CDH17: variants seen among roughly 807,000 people sequenced by gnomAD.
CDH17 encodes cadherin 17, also known as cadherin-17.
A neutral mutation model predicts 86.3 loss-of-function variants in CDH17; 67 were observed. The observed-to-expected ratio is 0.78, with a 90% CI of 0.64 to 0.95. CDH17 has a LOEUF of 0.95. Among genes scored for constraint, CDH17 ranks in the 40% least tolerant of loss-of-function variants. CDH17 has a pLI of 0.00. For missense variants in CDH17, 993 were observed against 1,017.6 expected, an observed-to-expected ratio of 0.98 and a Z score of 0.33; for synonymous variants, 367 against 366.4, an observed-to-expected ratio of 1.00 and a Z score of -0.02.
chr8:94,130,619 C>T lies in CDH17; in HGVS notation c.2398+7G>A, dbSNP rs760145848. The stretch of plus-strand genomic sequence containing the variant: ...TAAGACTCTTTGAATTAAGAAATTA[C>T]ACTCACCAATCACCAGAAGGGTGGT... On this transcript the variant is annotated splice_region_variant and intron_variant, in intron 17 of 17. Coordinates refer to ENST00000027335, the MANE Select transcript of CDH17 (RefSeq NM_004063.4). 13 of 1,571,444 alleles carry T rather than the reference C, an allele frequency of 8.3e-6. No homozygotes were observed. In the Admixed American group the frequency reaches 1.9e-4, roughly 22 times the overall value.
Position 94,148,748 on chromosome 8 carries a change from T to C in CDH17, c.1923A>G (p.Glu641=). The change falls in exon 14 of 18, where the codon GAA becomes GAG. Residue 641 remains glutamate, a synonymous_variant. Coordinates refer to ENST00000027335, the MANE Select transcript of CDH17 (RefSeq NM_004063.4). ...TTTTTTTTTTTTTTTGCTTACCTACTTCTGTGGCCACCACTTGTACCCGAT... is the reference window on the plus strand; with the variant it reads ...TTTTTTTTTTTTTTTGCTTACCTACCTCTGTGGCCACCACTTGTACCCGAT... ...SPYRVQVVAT[E]VGGSSLSSVS... 7.1e-7 allele frequency: 1 copy of C among 1,413,812 alleles called. No individual in the cohort carries two copies. Among genetic ancestry groups the C allele is most frequent in the Non-Finnish European group, 9.5e-7 (1 of 1,050,780 alleles). The allele number at this position is 1,413,812 out of a possible 1,614,324, so 87.6% of individuals were successfully genotyped here.
At chr8:94,187,458 C>T (rs896472765) in intron 3 of CDH17, among the ~76,000 whole-genome samples, 1 of 152,262 alleles carries the variant, frequency 6.6e-6, no homozygotes, top group South Asian at 2.1e-4. Flanking sequence ...GTAGTCACTC[C>T]GTACATGGTT....
At position 94,127,863 on chromosome 8, in the gene CDH17, G is replaced by A. The variant is rs565557660; in HGVS notation, c.*377C>T. The A allele has an allele frequency of 5.0e-6, 1 of 201,342 alleles. No homozygotes were observed. The highest frequency in any genetic ancestry group is 1.4e-4 in the East Asian group (1 of 7,174). The allele number at this position is 201,342 out of a possible 1,614,324, so 12.5% of individuals were successfully genotyped here. ...TTCATGCCTGTATTGGGAGACCAAG[G>A]CAGGCAGATCACTTGACGTCAGGAG... On this transcript the variant is annotated 3_prime_UTR_variant, in exon 18 of 18. Coordinates refer to ENST00000027335, the MANE Select transcript of CDH17 (RefSeq NM_004063.4).
intron 1 of CDH17, among the ~76,000 whole-genome samples, chr8:94,196,235 C>T (rs1257183179): frequency 1.3e-5 from 2 of 152,184 alleles, no homozygotes; most frequent in Non-Finnish European, 2.9e-5. Flanking sequence ...AACATTTTAA[C>T]CACTCTAAAA....
intron 3 of CDH17, among the ~76,000 whole-genome samples, chr8:94,186,426 G>A (rs1053332843): frequency 6.6e-6 from 1 of 152,108 alleles, no homozygotes; most frequent in Admixed American, 6.6e-5. Flanking sequence ...CAGATTCAGT[G>A]TCTGGTGAGG....
chr8:94,143,917 A>G (rs2514796), intron 15 of CDH17, among the ~76,000 whole-genome samples: 14,587 of 152,120 alleles, frequency 0.096, 771 homozygotes, highest in Middle Eastern at 0.16. Flanking sequence ...TTGCTTTTTT[A>G]TTATTTGTGT....
chr8:94,142,314 T>C (rs1812654131), intron 15 of CDH17, among the ~76,000 whole-genome samples: 1 of 152,202 alleles, frequency 6.6e-6, no homozygotes, highest in Non-Finnish European at 1.5e-5. Flanking sequence ...AGACTGTTAA[T>C]AGCATTATAC....
At chr8:94,201,520 C>T (rs1813912042) in intron 1 of CDH17, among the ~76,000 whole-genome samples, 1 of 152,204 alleles carries the variant, frequency 6.6e-6, no homozygotes, top group African/African-American at 2.4e-5. Flanking sequence ...AGACAGCCAT[C>T]TACAAGCCAA....
rs561002378 is a variant in CDH17, at chr8:94,176,477, G to A, written c.424+64C>T. 4.6e-4 allele frequency: 720 copies of A among 1,563,988 alleles called. 7 individuals carry two copies. In the South Asian group the frequency reaches 7.9e-3, roughly 17 times the overall value. ...ACAGCTGCAGCTATTAGCCACACAAGTCTGCCCCTTCCACCTGACACCCTT... is the reference window on the plus strand; with the variant it reads ...ACAGCTGCAGCTATTAGCCACACAAATCTGCCCCTTCCACCTGACACCCTT... On this transcript the variant is annotated intron_variant, in intron 5 of 17. Coordinates refer to ENST00000027335, the MANE Select transcript of CDH17 (RefSeq NM_004063.4).
At chr8:94,145,826 T>G (rs987791748) in intron 15 of CDH17, 102 bp downstream of exon 15, 1 of 1,276,106 alleles carries the variant, frequency 7.8e-7, no homozygotes, top group African/African-American at 1.5e-5. Context: ...TCCTGAAGCA[T>G]GAAAGAAAGC....
chr8:94,199,513 T>C (rs896211516), intron 1 of CDH17, among the ~76,000 whole-genome samples: 5 of 151,932 alleles, frequency 3.3e-5, no homozygotes, highest in African/African-American at 7.3e-5. Context: ...AGTTAAATGA[T>C]AGAAAAGCAA....
At chr8:94,173,734 G>T in intron 7 of CDH17, 63 bp downstream of exon 7, 1 of 1,207,728 alleles carries the variant, frequency 8.3e-7, no homozygotes, top group Non-Finnish European at 1.2e-6. Context: ...GTGAGGGTGG[G>T]TCTCTACAAA....
intron 9 of CDH17, among the ~76,000 whole-genome samples, chr8:94,169,143 A>G (rs1393988145): frequency 1.3e-5 from 2 of 152,186 alleles, no homozygotes; most frequent in African/African-American, 4.8e-5. Context: ...CGGGTCAAGA[A>G]AGTTGTCAAA....
chr8:94,138,901 C>T (rs918186180), intron 15 of CDH17, among the ~76,000 whole-genome samples: 11 of 152,256 alleles, frequency 7.2e-5, no homozygotes, highest in African/African-American at 2.2e-4. Context: ...AACTGTATTT[C>T]ACAATAAAGT....
intron 1 of CDH17, among the ~76,000 whole-genome samples, chr8:94,214,576 G>A (rs1029513865): frequency 3.3e-5 from 5 of 152,052 alleles, no homozygotes; most frequent in African/African-American, 4.8e-5. Flanking sequence ...AAATCTTTAT[G>A]GCCTTGGATT....
chr8:94,144,184 G>GGA lies in CDH17; in HGVS notation c.2167+1742_2167+1743dup, dbSNP rs1264924806. On this transcript the variant is annotated intron_variant, in intron 15 of 17. Transcript: ENST00000027335. The stretch of plus-strand genomic sequence containing the variant: ...TGTCTCAGGCAATAGGGAGGCCCAA[G>GGA]GAGAGAGAGAGACATGGGGAAACAG... Among the ~76,000 whole-genome samples the GGA allele has an allele frequency of 2.6e-5, 4 of 152,154 alleles. No individual in the cohort carries two copies. The East Asian group carries it at 5.8e-4, about 22-fold the overall frequency.
In CDH17 at chr8:94,199,083, A is replaced by ATTT. The variant is rs71510475; in HGVS notation, c.-20-4381_-20-4379dup. 4.1e-3 allele frequency among the ~76,000 whole-genome samples: 95 copies of ATTT among 23,208 alleles called. 1 individual carries two copies. Among genetic ancestry groups the ATTT allele is most frequent in the African/African-American group, 8.0e-3 (75 of 9,340 alleles). The allele number at this position is 23,208 out of a possible 152,430, so 15.2% of individuals were successfully genotyped here. A position where few individuals can be genotyped will look rare whatever the true frequency, so the allele number is the denominator to read the frequency against. On this transcript the variant is annotated intron_variant, in intron 1 of 17. Transcript: ENST00000027335. ...TATATATATATATATATATATATAT[A>ATTT]TTTTTTTTTTTTTATCATTTGTCTG...
chr8:94,148,356 A>G (rs773656494), intron 14 of CDH17, among the ~76,000 whole-genome samples: 4 of 152,074 alleles, frequency 2.6e-5, no homozygotes, highest in Admixed American at 6.6e-5. Context: ...AGGCTGGCCA[A>G]CATGGTGAAA....
upstream of CDH17, among the ~76,000 whole-genome samples, chr8:94,212,485 T>G (rs1814138343): frequency 7.3e-6 from 1 of 136,222 alleles, no homozygotes; most frequent in Admixed American, 7.4e-5. Context: ...GTTTGGAGGC[T>G]TCTCTGTTGT....
Sources: allele counts gnomAD v4.1 joint callset (sites outside exome capture counted in the v4.1 genomes callset), GRCh38; gene constraint gnomAD v4.1.1; transcripts MANE v1.5; gene names NCBI Gene and HGNC (gene_info 2026-07-23, HGNC 2026-07-21).